The following GMPR variants were observed in gnomAD, a reference collection of about 807,000 sequenced individuals.
The protein encoded by GMPR is GMP reductase 1.
In GMPR, 31 loss-of-function variants were observed where a neutral mutation model predicts 38.4. The observed-to-expected ratio is 0.81, with a 90% CI of 0.61 to 1.09. The LOEUF is 1.09. Among genes scored for constraint, GMPR ranks in the 50% least tolerant of loss-of-function variants. The pLI, the probability that GMPR is intolerant of heterozygous loss-of-function variation, is 0.00. For missense variants in GMPR, 468 were observed against 453.7 expected (o/e 1.03, Z -0.29); for synonymous variants, 162 against 173.3 (o/e 0.93, Z 0.51).
intron 6 of GMPR, among the ~76,000 whole-genome samples, chr6:16,280,468 C>G (rs750630479): frequency 6.6e-6 from 1 of 152,190 alleles, no homozygotes; most frequent in Admixed American, 6.5e-5. Flanking sequence ...TGACAGAGTT[C>G]TAAGACTCTC....
intron 4 of GMPR, among the ~76,000 whole-genome samples, chr6:16,256,127 A>C (rs1758969320): frequency 6.6e-6 from 1 of 151,854 alleles, no homozygotes; most frequent in African/African-American, 2.4e-5. Flanking sequence ...GAGGCAGGAG[A>C]ATCTCTTGAA....
At chr6:16,268,712 A>G (rs1581658342) in intron 4 of GMPR, among the ~76,000 whole-genome samples, 1 of 152,334 alleles carries the variant, frequency 6.6e-6, no homozygotes, top group East Asian at 1.9e-4. Context: ...GGACCCCAGA[A>G]AAACCAGTAA....
rs1278990033 is a variant in GMPR at position 16,270,999 on chromosome 6, CAACATAG to C, written c.466-3415_466-3409del. Among the ~76,000 whole-genome samples, 197 of 152,098 alleles carry C rather than the reference CAACATAG, an allele frequency of 1.3e-3. 1 individual carries two copies. The highest frequency in any genetic ancestry group is 2.3e-3 in the Non-Finnish European group (154 of 68,004). ...GCCAGGAGTTAGAGACCAGCCTGGG[CAACATAG>C]CAAGGCCCTATCTCTGCTTTAAAAA... On this transcript the variant is annotated intron_variant, in intron 4 of 8. Coordinates refer to ENST00000259727, the MANE Select transcript of GMPR (RefSeq NM_006877.4).
intron 2 of GMPR, among the ~76,000 whole-genome samples, chr6:16,248,645 A>G (rs1758805652): frequency 6.6e-6 from 1 of 152,116 alleles, no homozygotes; most frequent in Non-Finnish European, 1.5e-5. Context: ...GATCACTTGC[A>G]TTGTCTGTCA....
chr6:16,284,568 C>T (rs1759638873), intron 6 of GMPR, among the ~76,000 whole-genome samples: 1 of 152,188 alleles, frequency 6.6e-6, no homozygotes, highest in East Asian at 1.9e-4. Context: ...GACACTGTTG[C>T]TGTCTCCCCT....
chr6:16,246,425 G>C (rs574252844), intron 1 of GMPR, among the ~76,000 whole-genome samples: 60 of 152,314 alleles, frequency 3.9e-4, no homozygotes, highest in African/African-American at 1.4e-3. Flanking sequence ...CTCACTGCAG[G>C]GTGAATTTGG....
intron 4 of GMPR, 106 bp downstream of exon 4, chr6:16,254,841 C>T: frequency 1.4e-6 from 1 of 721,996 alleles, no homozygotes; most frequent in Non-Finnish European, 2.3e-6. Flanking sequence ...GCTTTTGGTG[C>T]CTCTTTAGTC....
At chr6:16,265,571 G>A (rs1039084008) in intron 4 of GMPR, among the ~76,000 whole-genome samples, 12 of 152,204 alleles carry the variant, frequency 7.9e-5, no homozygotes, top group African/African-American at 2.7e-4. Context: ...TCTAGCTAAA[G>A]GATTGTAAAT....
chr6:16,289,345 T>C (rs1370091345), intron 7 of GMPR, among the ~76,000 whole-genome samples: 1 of 152,212 alleles, frequency 6.6e-6, no homozygotes, highest in African/African-American at 2.4e-5. Context: ...TAATAGGCAA[T>C]GAAGAATCCC....
Position 16,294,995 on chromosome 6 carries a change from TC to T in GMPR, c.858-10del. 6.2e-7 allele frequency: 1 copy of T among 1,601,552 alleles called. No homozygotes were observed. The highest frequency in any genetic ancestry group is 1.4e-5 in the African/African-American group (1 of 73,910). On this transcript the variant is annotated splice_polypyrimidine_tract_variant and intron_variant, in intron 8 of 8. Coordinates refer to ENST00000259727, the MANE Select transcript of GMPR (RefSeq NM_006877.4). Reference sequence around the variant, plus strand: ...AAACTAGATAAAAAGAAAACTTCTATCGTCTTCCAGAGCCTCTGAGGGTAAG... The same window carrying T: ...AAACTAGATAAAAAGAAAACTTCTATGTCTTCCAGAGCCTCTGAGGGTAAG...
At chr6:16,266,557 CTT>C (rs1482093887) in intron 4 of GMPR, among the ~76,000 whole-genome samples, 1 of 151,176 alleles carries the variant, frequency 6.6e-6, no homozygotes, top group African/African-American at 2.4e-5. Flanking sequence ...AATCCTGGCA[CTT>C]TGGGAGGCCG....
At chr6:16,267,832 C>T (rs987492506) in intron 4 of GMPR, among the ~76,000 whole-genome samples, 6 of 152,190 alleles carry the variant, frequency 3.9e-5, no homozygotes, top group African/African-American at 1.4e-4. Flanking sequence ...GCTCTACTCC[C>T]CTGGGGCAAT....
chr6:16,266,963 G>A (rs1410585334), intron 4 of GMPR, among the ~76,000 whole-genome samples: 3 of 151,308 alleles, frequency 2.0e-5, no homozygotes, highest in South Asian at 2.1e-4. Flanking sequence ...TGAAGTCGGC[G>A]TAGACCATGA....
At chr6:16,278,941 C>G (rs1487509304) in intron 6 of GMPR, 51 bp downstream of exon 6, 1 of 1,099,816 alleles carries the variant, frequency 9.1e-7, no homozygotes, top group South Asian at 1.4e-5. Flanking sequence ...GGCCCCTGCT[C>G]CCTCGCTGCT....
chr6:16,246,824 T>C lies in GMPR; in HGVS notation c.88-18T>C, dbSNP rs1464300436. 1 of 1,509,360 alleles carries C rather than the reference T, an allele frequency of 6.6e-7. No homozygotes were observed. Among genetic ancestry groups the C allele is most frequent in the Non-Finnish European group, 9.0e-7 (1 of 1,106,402 alleles). 93.5% of individuals were successfully genotyped at this position (1,509,360 alleles called of 1,614,324 possible). A position where few individuals can be genotyped will look rare whatever the true frequency, so the allele number is the denominator to read the frequency against. On this transcript the variant is annotated intron_variant, in intron 1 of 8. Transcript: ENST00000259727. ...ACTCATTTCTTTCCCTTTTTCTTTC[T>C]TTTTTTTTGGCCAACAGGTGGATCT... is the stretch of plus-strand genomic sequence containing the variant.
chr6:16,274,580 G>A (rs1190943572), intron 5 of GMPR, 84 bp downstream of exon 5: 12 of 788,860 alleles, frequency 1.5e-5, no homozygotes, highest in South Asian at 1.1e-4. Flanking sequence ...ATCACTGGAG[G>A]GGATGCATGA....
At chr6:16,292,458 G>A (rs1759858275) in intron 8 of GMPR, among the ~76,000 whole-genome samples, 2 of 152,116 alleles carry the variant, frequency 1.3e-5, no homozygotes, top group African/African-American at 4.8e-5. Context: ...AAAGATCGAT[G>A]GGGACTGCAC....
At chr6:16,279,592 G>T (rs924039887) in intron 6 of GMPR, among the ~76,000 whole-genome samples, 1 of 152,214 alleles carries the variant, frequency 6.6e-6, no homozygotes, top group Non-Finnish European at 1.5e-5. Flanking sequence ...GGTCAGGGAA[G>T]GTTTCCTGGA....
intron 8 of GMPR, among the ~76,000 whole-genome samples, chr6:16,293,921 CCTTCTGGTAATACACA>C (rs1242541533): frequency 1.3e-5 from 2 of 152,228 alleles, no homozygotes; most frequent in African/African-American, 2.4e-5. Flanking sequence ...TTTCAGATTT[CCTTCTGGTAATACACA>C]CATCTGGTAA....
Sources: gnomAD v4.1 joint callset for allele counts (sites outside exome capture counted in the v4.1 genomes callset) on GRCh38, gnomAD v4.1.1 for gene constraint, MANE v1.5 for transcripts, NCBI Gene and HGNC (gene_info 2026-07-23, HGNC 2026-07-21) for gene names.